The following NID2 variants were observed in gnomAD, a reference collection of about 807,000 sequenced individuals.
The protein encoded by NID2 is nidogen-2.
A neutral mutation model predicts 145.4 loss-of-function variants in NID2; 83 were observed. The observed-to-expected ratio is 0.57, with a 90% CI of 0.48 to 0.69. The LOEUF is 0.69. Ranked by LOEUF, NID2 falls within the 30% of genes least tolerant of loss-of-function variation. NID2 has a pLI of 0.00. For synonymous variants in NID2, 739 were observed against 701.3 expected (o/e 1.05, Z -0.85); for missense variants, 1,807 against 1,765.7 (o/e 1.02, Z -0.42).
intron 17 of NID2, 83 bp from the exon 18 acceptor site, chr14:52,011,130 G>T: frequency 7.2e-7 from 1 of 1,384,470 alleles, no homozygotes; most frequent in Non-Finnish European, 1.0e-6. Flanking sequence ...CGGGTGGGCA[G>T]GGGGGTCAGC....
chr14:52,010,621 A>G (rs1015194863), intron 18 of NID2: 63 of 357,078 alleles, frequency 1.8e-4, no homozygotes, highest in African/African-American at 8.9e-4. Context: ...AATTTTCTAC[A>G]TATCACATCA....
chr14:52,008,541 A>C (rs1410149988), intron 18 of NID2: 1 of 152,244 alleles, frequency 6.6e-6, no homozygotes, highest in Non-Finnish European at 1.5e-5. Flanking sequence ...TAGGTAACTA[A>C]TACACAGCCA....
intron 5 of NID2, among the ~76,000 whole-genome samples, chr14:52,049,008 G>C (rs955480848): frequency 6.6e-6 from 1 of 152,142 alleles, no homozygotes; most frequent in African/African-American, 2.4e-5. Context: ...ATGCCAGGAA[G>C]CTCCTGCCAC....
chr14:52,029,518 A>G (rs776665678), intron 10 of NID2, 29 bp downstream of exon 10: 25 of 1,591,752 alleles, frequency 1.6e-5, no homozygotes, highest in East Asian at 2.3e-5. Flanking sequence ...AAGGGCTACA[A>G]GAAGGAGACA....
rs971937023 is a variant in NID2, at chr14:52,022,890, A to G, written c.2675-2712T>C. Among the ~76,000 whole-genome samples, 10 of 152,192 alleles carry G rather than the reference A, an allele frequency of 6.6e-5. No individual in the cohort carries two copies. In the East Asian group the frequency reaches 1.9e-3, roughly 29 times the overall value. ...AGCCCAGTGAAATTTCTTGGCATCA[A>G]TTAACCTCAAACCCATCCCAGATCC... On this transcript the variant is annotated intron_variant, in intron 12 of 21. Coordinates refer to ENST00000216286, the MANE Select transcript of NID2 (RefSeq NM_007361.4).
chr14:52,059,986 G>T (rs916660901), intron 3 of NID2, 138 bp downstream of exon 3: 2 of 565,992 alleles, frequency 3.5e-6, no homozygotes. Flanking sequence ...GTTGAATCTA[G>T]TTCCTTGGTT....
At chr14:52,025,192 T>A (rs887048065) in intron 12 of NID2, among the ~76,000 whole-genome samples, 3 of 152,214 alleles carry the variant, frequency 2.0e-5, no homozygotes, top group Non-Finnish European at 4.4e-5. Context: ...TCATTCCCAC[T>A]GTCAGGCTTT....
chr14:52,019,687 C>A (rs528494517), intron 13 of NID2, among the ~76,000 whole-genome samples: 2 of 152,198 alleles, frequency 1.3e-5, no homozygotes, highest in South Asian at 4.1e-4. Flanking sequence ...CCAAGCTAGC[C>A]AAGCTCCTCT....
chr14:52,014,183 A>G (rs1891129476), intron 16 of NID2, 104 bp downstream of exon 16: 2 of 1,462,946 alleles, frequency 1.4e-6, no homozygotes, highest in African/African-American at 1.4e-5. Flanking sequence ...GAAACCCTCC[A>G]GGACTTCCCT....
chr14:52,054,207 A>T lies in NID2; in HGVS notation c.882T>A (p.Val294=). 6.2e-7 allele frequency: 1 copy of T among 1,614,144 alleles called. No individual in the cohort carries two copies. Among genetic ancestry groups the T allele is most frequent in the Non-Finnish European group, 8.5e-7 (1 of 1,180,034 alleles). The part of the protein sequence containing the change: ...VGDLSAAHSS[V]PLGRSFSHAT... ...CATGGCTGAAGGAACGTCCCAGGGG[A>T]ACAGAAGAGTGGGCAGCGGAAAGGT... Residue 294 remains valine (V), a synonymous_variant, in exon 4 of 22, where the codon GTT becomes GTA. Coordinates refer to ENST00000216286, the MANE Select transcript of NID2 (RefSeq NM_007361.4).
intron 11 of NID2, among the ~76,000 whole-genome samples, chr14:52,027,633 TACACAC>T (rs59049676): frequency 0.1 from 14,821 of 144,178 alleles, 776 homozygotes; most frequent in Non-Finnish European, 0.11. Flanking sequence ...GAGCAATTGC[TACACAC>T]ACACACACAC....
intron 9 of NID2, among the ~76,000 whole-genome samples, chr14:52,038,198 T>C (rs1175208242): frequency 6.6e-6 from 1 of 152,200 alleles, no homozygotes; most frequent in East Asian, 1.9e-4. Flanking sequence ...AAGCATCCAG[T>C]CTTTCACCAT....
In NID2 at chr14:52,068,910, C is replaced by A. The variant is rs758004106; in HGVS notation, c.85G>T (p.Ala29Ser). ...LLLPLLMLRA[A>S]ALHPDELFPH... The stretch of plus-strand genomic sequence containing the variant: ...AAGAGCTCGTCTGGGTGCAGCGCCG[C>A]GGCCCGCAACATTAGCAACGGCAGC... Residue 29 changes from alanine to serine, a missense_variant, in exon 1 of 22, where the codon GCG (alanine) becomes TCG (serine). Ala to Ser is a moderately conservative substitution (Grantham distance 99, BLOSUM62 1). Coordinates refer to ENST00000216286, the MANE Select transcript of NID2 (RefSeq NM_007361.4). 2 of 1,614,056 alleles carry A rather than the reference C, an allele frequency of 1.2e-6. No individual in the cohort carries two copies. The highest frequency in any genetic ancestry group is 2.2e-5 in the South Asian group (2 of 91,088).
At chr14:52,006,350 T>C in intron 20 of NID2, 187 bp downstream of exon 20, 1 of 605,964 alleles carries the variant, frequency 1.7e-6, no homozygotes, top group East Asian at 2.9e-5. Context: ...AGTAAAAGGA[T>C]GATTTCAAAA....
intron 2 of NID2, among the ~76,000 whole-genome samples, chr14:52,060,922 C>G (rs1003826647): frequency 6.6e-6 from 1 of 152,202 alleles, no homozygotes. Context: ...ATACGAGCAT[C>G]AGGGTTATCC....
chr14:52,067,738 G>T, intron 2 of NID2, 120 bp downstream of exon 2: 4 of 1,191,088 alleles, frequency 3.4e-6, no homozygotes, highest in Non-Finnish European at 4.9e-6. Flanking sequence ...CTGCCTCCAA[G>T]GTCAGGTTCA....
At chr14:52,043,260 CA>C (rs1892353350) in intron 5 of NID2, among the ~76,000 whole-genome samples, 1 of 152,058 alleles carries the variant, frequency 6.6e-6, no homozygotes, top group Non-Finnish European at 1.5e-5. Flanking sequence ...TTTTGTGGGT[CA>C]AAAAGGGCTA....
In NID2 at chr14:52,019,057, T is replaced by C; in HGVS notation, c.3028+4A>G. On this transcript the variant is annotated splice_donor_region_variant and intron_variant, in intron 14 of 21. Coordinates refer to ENST00000216286, the MANE Select transcript of NID2 (RefSeq NM_007361.4). The stretch of plus-strand genomic sequence containing the variant: ...TGCTTCTTGAGCCCCAGGCCTAAGC[T>C]CACCTGGTGATGGTCCACAGTGAGG... 6.2e-7 allele frequency: 1 copy of C among 1,611,606 alleles called. No homozygotes were observed. The highest frequency in any genetic ancestry group is 1.7e-5 in the Admixed American group (1 of 59,936).
At chr14:52,023,480 T>TA (rs199651244) in intron 12 of NID2, among the ~76,000 whole-genome samples, 1,729 of 148,342 alleles carry the variant, frequency 0.012, 35 homozygotes, top group African/African-American at 0.037. Flanking sequence ...AAATAAAAAT[T>TA]AAAAAAAAAT....
Sources: gnomAD v4.1 joint callset for allele counts (sites outside exome capture counted in the v4.1 genomes callset) on GRCh38, gnomAD v4.1.1 for gene constraint, MANE v1.5 for transcripts, NCBI Gene and HGNC (gene_info 2026-07-23, HGNC 2026-07-21) for gene names.